Variants in PLEKHH2 observed in about 807,000 individuals in gnomAD.
PLEKHH2 encodes pleckstrin homology domain-containing family H member 2.
Under a neutral mutation model 187.9 loss-of-function variants are expected in PLEKHH2, and 129 were observed. That is an observed-to-expected ratio of 0.69 (90% CI 0.59 to 0.79). The LOEUF (loss-of-function observed/expected upper bound fraction) is 0.79. Ranked by LOEUF, PLEKHH2 falls within the 30% of genes least tolerant of loss-of-function variation. The pLI, the probability that PLEKHH2 is intolerant of heterozygous loss-of-function variation, is 0.00. For missense variants in PLEKHH2, 2,076 were observed against 1,751.2 expected (o/e 1.19, Z -3.31); for synonymous variants, 686 against 605.6 (o/e 1.13, Z -1.95).
intron 8 of PLEKHH2, among the ~76,000 whole-genome samples, chr2:43,701,432 G>A (rs544708648): frequency 3.9e-5 from 6 of 152,256 alleles, no homozygotes; most frequent in Admixed American, 1.3e-4. Context: ...TTCAATTACT[G>A]GAGGTTCCTC....
chr2:43,721,094 A>G (rs1004095155), intron 16 of PLEKHH2, among the ~76,000 whole-genome samples: 1 of 152,222 alleles, frequency 6.6e-6, no homozygotes, highest in African/African-American at 2.4e-5. Flanking sequence ...GTTAGGAAAG[A>G]AAACCTAAAA....
At chr2:43,669,472 C>G (rs1403935301) in intron 2 of PLEKHH2, among the ~76,000 whole-genome samples, 1 of 151,956 alleles carries the variant, frequency 6.6e-6, no homozygotes, top group African/African-American at 2.4e-5. Context: ...TGTATTATAT[C>G]TCGACTTTAA....
intron 25 of PLEKHH2, among the ~76,000 whole-genome samples, chr2:43,756,601 G>A (rs1195093270): frequency 6.6e-6 from 1 of 152,140 alleles, no homozygotes; most frequent in East Asian, 1.9e-4. Flanking sequence ...AACTAGGAAG[G>A]TTAATGTAGA....
intron 3 of PLEKHH2, among the ~76,000 whole-genome samples, chr2:43,681,825 A>T (rs986485294): frequency 3.9e-5 from 6 of 152,192 alleles, no homozygotes; most frequent in African/African-American, 1.4e-4. Flanking sequence ...GATTCAGCAG[A>T]TACATGAAAG....
intron 3 of PLEKHH2, among the ~76,000 whole-genome samples, chr2:43,689,303 G>A (rs1487246550): frequency 6.6e-6 from 1 of 152,166 alleles, no homozygotes; most frequent in Non-Finnish European, 1.5e-5. Flanking sequence ...TACAATCAGA[G>A]GTTCTCCTAG....
At chr2:43,686,833 C>A (rs1668539702) in intron 3 of PLEKHH2, among the ~76,000 whole-genome samples, 1 of 152,078 alleles carries the variant, frequency 6.6e-6, no homozygotes, top group Non-Finnish European at 1.5e-5. Context: ...TTCTAAGAAG[C>A]TTTAAAAAGA....
intron 2 of PLEKHH2, chr2:43,658,566 G>A (rs1251211133): frequency 6.6e-6 from 1 of 152,248 alleles, no homozygotes; most frequent in Non-Finnish European, 1.5e-5. Flanking sequence ...ACTGGAGCTG[G>A]AGGGTTCACT....
At chr2:43,681,703 G>T in intron 3 of PLEKHH2, 1 of 531,174 alleles carries the variant, frequency 1.9e-6, no homozygotes, top group East Asian at 3.2e-5. Flanking sequence ...GGCCACTGAG[G>T]GCCAGGCAAG....
chr2:43,762,177 AT>A, intron 27 of PLEKHH2, 126 bp from the exon 28 acceptor site: 1 of 702,452 alleles, frequency 1.4e-6, no homozygotes, highest in East Asian at 2.8e-5. Context: ...CCTAGGCGAG[AT>A]TTTTAATAAA....
At chr2:43,739,430 C>T (rs1021504829) in intron 20 of PLEKHH2, among the ~76,000 whole-genome samples, 1 of 152,152 alleles carries the variant, frequency 6.6e-6, no homozygotes, top group African/African-American at 2.4e-5. Flanking sequence ...TATTGACTGC[C>T]TGTTAGCCAC....
At chr2:43,693,830 T>G (rs1035366871) in intron 4 of PLEKHH2, among the ~76,000 whole-genome samples, 24 of 151,866 alleles carry the variant, frequency 1.6e-4, no homozygotes, top group African/African-American at 5.8e-4. Context: ...TTTTGTTAAA[T>G]GTGTTGTTTA....
chr2:43,709,717 C>A (rs1014850185), intron 11 of PLEKHH2, among the ~76,000 whole-genome samples: 1 of 152,102 alleles, frequency 6.6e-6, no homozygotes, highest in Admixed American at 6.6e-5. Context: ...ACACCTGTAG[C>A]CCCAGCTACT....
At chr2:43,674,984 C>CAAA (rs57920523) in intron 2 of PLEKHH2, among the ~76,000 whole-genome samples, 1 of 104,144 alleles carries the variant, frequency 9.6e-6, no homozygotes, top group Admixed American at 1.0e-4. Flanking sequence ...GACTCCATTT[C>CAAA]AAAAAAAAAA....
chr2:43,753,605 C>CTT lies in PLEKHH2; in HGVS notation c.3654-6_3654-5dup. ...AATATAATTTAATGAGAAATTTACT[C>CTT]TTTTTTTTTACAGACTATATTTCTC... On this transcript the variant is annotated splice_polypyrimidine_tract_variant and intron_variant, in intron 24 of 29. Coordinates refer to ENST00000282406, the MANE Select transcript of PLEKHH2 (RefSeq NM_172069.4). 34 of 1,363,150 alleles carry CTT rather than the reference C, an allele frequency of 2.5e-5. No individual in the cohort carries two copies. Among genetic ancestry groups the CTT allele is most frequent in the African/African-American group, 1.4e-4 (9 of 66,336 alleles). The allele number at this position is 1,363,150 out of a possible 1,614,324, so 84.4% of individuals were successfully genotyped here. A position where few individuals can be genotyped will look rare whatever the true frequency, so the allele number is the denominator to read the frequency against.
In PLEKHH2 at chr2:43,699,690, AAAC is replaced by A; in HGVS notation, c.737_739del (p.Asn246del). 1.2e-6 allele frequency: 2 copies of A among 1,613,902 alleles called. No individual in the cohort carries two copies. The highest frequency in any genetic ancestry group is 1.7e-6 in the Non-Finnish European group (2 of 1,179,894). The stretch of plus-strand genomic sequence containing the variant: ...AGTCTGTTGATAACCAAGTTCTAGA[AAAC>A]AACAGAGGCCAGAGAACATTGCATC... On this transcript the variant is annotated inframe_deletion, in exon 8 of 30. Coordinates refer to ENST00000282406, the MANE Select transcript of PLEKHH2 (RefSeq NM_172069.4).
intron 16 of PLEKHH2, among the ~76,000 whole-genome samples, chr2:43,725,180 A>G (rs1179454280): frequency 2.6e-5 from 4 of 152,104 alleles, no homozygotes; most frequent in Non-Finnish European, 5.9e-5. Flanking sequence ...TTTTTTTATC[A>G]GCTCTGTCTC....
At chr2:43,649,077 A>G (rs903213095) in intron 2 of PLEKHH2, among the ~76,000 whole-genome samples, 2 of 152,130 alleles carry the variant, frequency 1.3e-5, no homozygotes, top group East Asian at 3.8e-4. Flanking sequence ...CACAGTTTCC[A>G]AGTAACTTAG....
chr2:43,713,325 C>T (rs976669060), intron 15 of PLEKHH2, among the ~76,000 whole-genome samples: 1 of 152,064 alleles, frequency 6.6e-6, no homozygotes, highest in East Asian at 1.9e-4. Flanking sequence ...TTACTTTTGA[C>T]TCTATCAAGA....
At chr2:43,746,842 C>A (rs1328756472) in intron 24 of PLEKHH2, among the ~76,000 whole-genome samples, 1 of 151,884 alleles carries the variant, frequency 6.6e-6, no homozygotes, top group Non-Finnish European at 1.5e-5. Flanking sequence ...TGGTGGCGGG[C>A]ACCTGTAGTC....
Sources: allele counts gnomAD v4.1 joint callset (sites outside exome capture counted in the v4.1 genomes callset), GRCh38; gene constraint gnomAD v4.1.1; transcripts MANE v1.5; gene names NCBI Gene and HGNC (gene_info 2026-07-23, HGNC 2026-07-21).